The following MCTP1 variants were observed in gnomAD, a reference collection of about 807,000 sequenced individuals.
MCTP1 encodes the protein multiple C2 and transmembrane domain-containing protein 1.
A neutral mutation model predicts 120.6 loss-of-function variants in MCTP1; 69 were observed. The observed-to-expected ratio is 0.57, with a 90% CI of 0.47 to 0.70. MCTP1 has a LOEUF of 0.70. MCTP1 is among the 30% of genes least tolerant of loss of function. The pLI, the probability that MCTP1 is intolerant of heterozygous loss-of-function variation, is 0.00. For synonymous variants in MCTP1, 529 were observed against 493.1 expected, an observed-to-expected ratio of 1.07 and a Z score of -0.96; for missense variants, 1,203 against 1,248.8, an observed-to-expected ratio of 0.96 and a Z score of 0.55.
chr5:95,173,521 A>G (rs1747601787), intron 1 of MCTP1, among the ~76,000 whole-genome samples: 1 of 152,172 alleles, frequency 6.6e-6, no homozygotes, highest in Non-Finnish European at 1.5e-5. Context: ...GTAAAGGTTA[A>G]ACTGCTTACC....
chr5:94,722,785 T>C (rs550332265), intron 19 of MCTP1, among the ~76,000 whole-genome samples: 4 of 152,226 alleles, frequency 2.6e-5, no homozygotes, highest in Non-Finnish European at 4.4e-5. Flanking sequence ...TAGTTTACCA[T>C]TGATTGGAGC....
chr5:95,205,937 G>A (rs892523470), intron 1 of MCTP1, among the ~76,000 whole-genome samples: 1 of 151,032 alleles, frequency 6.6e-6, no homozygotes, highest in African/African-American at 2.5e-5. Flanking sequence ...CTGCTGGTGG[G>A]AATATAAAAT....
intron 1 of MCTP1, among the ~76,000 whole-genome samples, chr5:95,046,342 G>GTA (rs556804320): frequency 3.7e-4 from 57 of 152,286 alleles, no homozygotes; most frequent in African/African-American, 1.3e-3. Context: ...TGTGAAATCT[G>GTA]TATCAGCTCT....
chr5:94,849,700 A>C (rs2153223661), intron 17 of MCTP1, among the ~76,000 whole-genome samples: 1 of 152,280 alleles, frequency 6.6e-6, no homozygotes, highest in South Asian at 2.1e-4. Flanking sequence ...TTTCTGAAAT[A>C]CATCAAAAGT....
At chr5:94,917,374 C>A (rs1561854872) in intron 8 of MCTP1, among the ~76,000 whole-genome samples, 1 of 152,166 alleles carries the variant, frequency 6.6e-6, no homozygotes, top group Non-Finnish European at 1.5e-5. Context: ...CAACCTTGTT[C>A]TTCAAAGCAA....
chr5:94,935,295 T>C (rs1378409353), intron 5 of MCTP1, among the ~76,000 whole-genome samples: 1 of 152,044 alleles, frequency 6.6e-6, no homozygotes, highest in African/African-American at 2.4e-5. Flanking sequence ...GTTTTTCAAC[T>C]CATTCTTCAC....
chr5:95,129,974 AT>A (rs1310990450), intron 1 of MCTP1, among the ~76,000 whole-genome samples: 1 of 152,044 alleles, frequency 6.6e-6, no homozygotes, highest in African/African-American at 2.4e-5. Flanking sequence ...GGATGGGCAA[AT>A]TTTTTGTCTC....
Position 95,024,677 on chromosome 5 carries a change from A to ACC in MCTP1, c.721-7195_721-7194dup, listed in dbSNP as rs1554185324. Among the ~76,000 whole-genome samples, 618 of 150,860 alleles carry ACC rather than the reference A, an allele frequency of 4.1e-3. 1 individual carries two copies. The highest frequency in any genetic ancestry group is 0.014 in the African/African-American group (584 of 41,166). ...CACACACACACACACACACACACACACCCCTAAATGCCATCCCAAACTGTT... is the reference window on the plus strand; with the variant it reads ...CACACACACACACACACACACACACACCCCCCTAAATGCCATCCCAAACTGTT... On this transcript the variant is annotated intron_variant, in intron 1 of 22. Coordinates refer to ENST00000515393, the MANE Select transcript of MCTP1 (RefSeq NM_024717.7).
chr5:94,827,551 G>A (rs180736318), intron 17 of MCTP1, among the ~76,000 whole-genome samples: 3 of 152,182 alleles, frequency 2.0e-5, no homozygotes, highest in East Asian at 3.9e-4. Context: ...CCAATATCCC[G>A]AAGTGTATTT....
At chr5:95,038,393 A>G (rs1457155639) in intron 1 of MCTP1, among the ~76,000 whole-genome samples, 1 of 152,254 alleles carries the variant, frequency 6.6e-6, no homozygotes, top group East Asian at 1.9e-4. Flanking sequence ...ACCAATATAA[A>G]TAAATAATTT....
intron 1 of MCTP1, among the ~76,000 whole-genome samples, chr5:95,045,392 C>T (rs531576578): frequency 9.3e-4 from 141 of 152,284 alleles, no homozygotes; most frequent in African/African-American, 3.3e-3. Flanking sequence ...TGTGGTACAA[C>T]CTGGTAACTT....
chr5:94,894,590 T>C lies in MCTP1; in HGVS notation c.1839+59A>G, dbSNP rs1399585171. On this transcript the variant is annotated intron_variant, in intron 11 of 22. Coordinates refer to ENST00000515393, the MANE Select transcript of MCTP1 (RefSeq NM_024717.7). ...AAGTACTTCTGTCCCTCCAGGTAAA[T>C]TGTTTACAACCTGATCTAGTCACAT... 6 of 1,272,680 alleles carry C rather than the reference T, an allele frequency of 4.7e-6. No homozygotes were observed. The East Asian group carries it at 1.5e-4, about 31-fold the overall frequency. The allele number at this position is 1,272,680 out of a possible 1,614,324, so 78.8% of individuals were successfully genotyped here. A position where few individuals can be genotyped will look rare whatever the true frequency, so the allele number is the denominator to read the frequency against.
At chr5:94,766,920 A>C (rs755872839) in intron 19 of MCTP1, among the ~76,000 whole-genome samples, 8 of 152,128 alleles carry the variant, frequency 5.3e-5, no homozygotes, top group Non-Finnish European at 8.8e-5. Context: ...ATTCTTCCTA[A>C]CGCATTCTAT....
intron 10 of MCTP1, among the ~76,000 whole-genome samples, chr5:94,900,084 C>G (rs1805113684): frequency 6.6e-6 from 1 of 152,180 alleles, no homozygotes; most frequent in Non-Finnish European, 1.5e-5. Flanking sequence ...CATGACTTAC[C>G]ATCAGCTTAT....
rs80094792 is a variant in MCTP1, at chr5:94,707,062, A to G, written c.*434T>C. 357 of 153,026 alleles carry G rather than the reference A, an allele frequency of 2.3e-3. 14 individuals carry two copies. In the East Asian group the frequency reaches 0.054, roughly 23 times the overall value. 9.5% of individuals were successfully genotyped at this position (153,026 alleles called of 1,614,324 possible). On this transcript the variant is annotated 3_prime_UTR_variant, in exon 23 of 23. Coordinates refer to ENST00000515393, the MANE Select transcript of MCTP1 (RefSeq NM_024717.7). ...CCCTCCCTTTTGAAATGTATAAAAC[A>G]TAGAAAAGTGTAATGGATTACTTTT...
At chr5:94,928,627 G>GA (rs763105261) in intron 6 of MCTP1, among the ~76,000 whole-genome samples, 9 of 152,104 alleles carry the variant, frequency 5.9e-5, no homozygotes, top group Non-Finnish European at 1.0e-4. Flanking sequence ...GTGCGTAATA[G>GA]AAAGTGTGCT....
chr5:95,227,953 A>G (rs1330470235), intron 1 of MCTP1, among the ~76,000 whole-genome samples: 1 of 152,160 alleles, frequency 6.6e-6, no homozygotes, highest in Admixed American at 6.5e-5. Context: ...AAGAGCTCAG[A>G]AGTCAGGATC....
At chr5:94,737,663 T>C (rs1764576907) in intron 19 of MCTP1, among the ~76,000 whole-genome samples, 2 of 152,216 alleles carry the variant, frequency 1.3e-5, no homozygotes, top group African/African-American at 4.8e-5. Context: ...AAAGAAAATC[T>C]AATTTGATTC....
intron 1 of MCTP1, among the ~76,000 whole-genome samples, chr5:95,089,166 C>T (rs531953098): frequency 2.0e-5 from 3 of 152,138 alleles, no homozygotes; most frequent in East Asian, 1.9e-4. Flanking sequence ...TATTCTTAGG[C>T]GATACATCTG....
Sources: gnomAD v4.1 joint callset for allele counts (sites outside exome capture counted in the v4.1 genomes callset) on GRCh38, gnomAD v4.1.1 for gene constraint, MANE v1.5 for transcripts, NCBI Gene and HGNC (gene_info 2026-07-23, HGNC 2026-07-21) for gene names.